The following PIGU variants were observed in gnomAD, a reference collection of about 807,000 sequenced individuals.
PIGU encodes the protein phosphatidylinositol glycan anchor biosynthesis class U.
In PIGU, 24 loss-of-function variants were observed where a neutral mutation model predicts 49.9. The ratio of observed to expected loss-of-function variants is 0.48; its 90% CI spans 0.35 to 0.68. PIGU has a LOEUF of 0.68. Ranked by LOEUF, PIGU falls within the 30% of genes least tolerant of loss-of-function variation. PIGU has a pLI of 0.01. For synonymous variants in PIGU, 220 were observed against 205.7 expected, an observed-to-expected ratio of 1.07 and a Z score of -0.59; for missense variants, 490 against 532.6, an observed-to-expected ratio of 0.92 and a Z score of 0.79.
chr20:34,561,895 A>G (rs1027073376), intron 11 of PIGU, among the ~76,000 whole-genome samples: 2 of 152,164 alleles, frequency 1.3e-5, no homozygotes, highest in South Asian at 2.1e-4. Context: ...TCTCTACTCG[A>G]TAACAGACTC....
intron 4 of PIGU, chr20:34,643,800 C>CAAAAAAAAA (rs749414414): frequency 4.4e-5 from 2 of 45,122 alleles, no homozygotes; most frequent in African/African-American, 6.7e-5. Flanking sequence ...TCTTCCTATG[C>CAAAAAAAAA]AAAAAAAAAA....
intron 4 of PIGU, among the ~76,000 whole-genome samples, chr20:34,638,399 A>G (rs182601895): frequency 1.3e-5 from 2 of 152,328 alleles, no homozygotes; most frequent in Admixed American, 1.3e-4. Flanking sequence ...ATGATTGACT[A>G]ATGTCTGTCT....
chr20:34,568,592 C>T (rs980182206), intron 11 of PIGU, among the ~76,000 whole-genome samples: 2 of 152,192 alleles, frequency 1.3e-5, no homozygotes, highest in Non-Finnish European at 2.9e-5. Flanking sequence ...CCACCCAACA[C>T]GTCTCCAAGC....
chr20:34,606,254 CA>C (rs35050660), intron 7 of PIGU, among the ~76,000 whole-genome samples: 35,718 of 84,038 alleles, frequency 0.43, 4,130 homozygotes, highest in Admixed American at 0.54. Flanking sequence ...GACTCCGTCT[CA>C]AAAAAAAAAA....
chr20:34,562,949 G>A (rs974708756), intron 11 of PIGU, among the ~76,000 whole-genome samples: 1 of 152,248 alleles, frequency 6.6e-6, no homozygotes, highest in Admixed American at 6.5e-5. Flanking sequence ...CAGGTCAGCT[G>A]AGGGGCAGGT....
intron 11 of PIGU, among the ~76,000 whole-genome samples, chr20:34,570,413 A>ATTTATT (rs10624602): frequency 0.5 from 58,967 of 116,822 alleles, 12,129 homozygotes; most frequent in Admixed American, 0.64. Flanking sequence ...AGCCACTGTT[A>ATTTATT]TTTATTTTTA....
At chr20:34,578,835 G>A (rs1312436491) in intron 10 of PIGU, among the ~76,000 whole-genome samples, 4 of 152,218 alleles carry the variant, frequency 2.6e-5, no homozygotes, top group Non-Finnish European at 5.9e-5. Flanking sequence ...AAGCGTCAGA[G>A]GTGACCAGGG....
chr20:34,670,647 C>A (rs1987280900), intron 1 of PIGU, among the ~76,000 whole-genome samples: 1 of 152,212 alleles, frequency 6.6e-6, no homozygotes, highest in South Asian at 2.1e-4. Flanking sequence ...TCAAGCCACC[C>A]TCCCACCTCA....
At chr20:34,561,108 G>A in intron 11 of PIGU, 129 bp from the exon 12 acceptor site, 1 of 653,750 alleles carries the variant, frequency 1.5e-6, no homozygotes, top group South Asian at 1.9e-5. Flanking sequence ...AATCACTGGA[G>A]AGGCCCTCCT....
chr20:34,564,954 G>A (rs1471774537), intron 11 of PIGU, among the ~76,000 whole-genome samples: 2 of 152,222 alleles, frequency 1.3e-5, no homozygotes, highest in Non-Finnish European at 2.9e-5. Context: ...TGGCCGAGAG[G>A]CCTGGCCCTT....
chr20:34,642,744 CTTTTTTTTTTTT>C (rs946911419), intron 4 of PIGU, among the ~76,000 whole-genome samples: 3 of 91,168 alleles, frequency 3.3e-5, no homozygotes, highest in South Asian at 7.1e-4. Context: ...TTTCCCTAGT[CTTTTTTTTTTTT>C]TTTTTTTTGG....
chr20:34,622,558 C>T (rs1985283869), intron 6 of PIGU, among the ~76,000 whole-genome samples: 1 of 152,020 alleles, frequency 6.6e-6, no homozygotes, highest in African/African-American at 2.4e-5. Context: ...TCCAAAAAGT[C>T]TCAGCAAGCA....
intron 11 of PIGU, chr20:34,562,408 A>T (rs1982562064): frequency 1.6e-6 from 2 of 1,284,770 alleles, no homozygotes; most frequent in African/African-American, 1.5e-5. Context: ...AGACCTCCAG[A>T]CCCTGTCCTG....
At chr20:34,569,627 G>A (rs1239597903) in intron 11 of PIGU, among the ~76,000 whole-genome samples, 1 of 152,196 alleles carries the variant, frequency 6.6e-6, no homozygotes, top group Non-Finnish European at 1.5e-5. Context: ...GCCAGCTACT[G>A]GGATACAAGG....
intron 7 of PIGU, among the ~76,000 whole-genome samples, chr20:34,590,492 G>A (rs1006903239): frequency 2.0e-5 from 3 of 152,028 alleles, no homozygotes; most frequent in Non-Finnish European, 4.4e-5. Context: ...AGGATGCAGA[G>A]GCTGTAGTGA....
chr20:34,640,200 C>T (rs1268319309), intron 4 of PIGU, among the ~76,000 whole-genome samples: 1 of 152,174 alleles, frequency 6.6e-6, no homozygotes, highest in Non-Finnish European at 1.5e-5. Context: ...ACTGTGCCAG[C>T]AATGGAAGTA....
intron 2 of PIGU, among the ~76,000 whole-genome samples, chr20:34,648,612 G>A (rs1486395297): frequency 2.0e-5 from 3 of 152,060 alleles, no homozygotes; most frequent in Admixed American, 6.6e-5. Flanking sequence ...GCAGTGGCAC[G>A]ATCATGACTC....
chr20:34,635,919 T>TGGC lies in PIGU; in HGVS notation c.429-1207_429-1205dup, dbSNP rs537303650. On this transcript the variant is annotated intron_variant, in intron 5 of 11. Transcript: ENST00000217446. ...ATAATAAAAAATAGGCTGGGCATGG[T>TGGC]GGCTCACTCACACCTGTAATCCCAG... is the stretch of plus-strand genomic sequence containing the variant. Among the ~76,000 whole-genome samples the TGGC allele has an allele frequency of 1.5e-4, 22 of 147,626 alleles. No individual in the cohort carries two copies. The East Asian group carries it at 4.3e-3, about 29-fold the overall frequency.
At chr20:34,663,112 G>A (rs1424858568) in intron 1 of PIGU, among the ~76,000 whole-genome samples, 4 of 151,958 alleles carry the variant, frequency 2.6e-5, no homozygotes, top group Non-Finnish European at 2.9e-5. Context: ...GCCATGTTGC[G>A]CAGGCTGGTC....
Sources: gnomAD v4.1 joint callset for allele counts (sites outside exome capture counted in the v4.1 genomes callset) on GRCh38, gnomAD v4.1.1 for gene constraint, MANE v1.5 for transcripts, NCBI Gene and HGNC (gene_info 2026-07-23, HGNC 2026-07-21) for gene names.